The following KANSL1 variants were observed in gnomAD, a reference collection of about 807,000 sequenced individuals.
The protein encoded by KANSL1 is KAT8 regulatory NSL complex subunit 1.
In KANSL1, 22 loss-of-function variants were observed where a neutral mutation model predicts 103.6. That is an observed-to-expected ratio of 0.21 (90% CI 0.15 to 0.30). The LOEUF (loss-of-function observed/expected upper bound fraction) is 0.30, where lower values mean the gene tolerates loss of function less well. Ranked by LOEUF, KANSL1 falls within the 10% of genes least tolerant of loss-of-function variation. KANSL1 has a pLI of 1.00. For missense variants in KANSL1, 1,337 were observed against 1,399.8 expected (o/e 0.96, Z 0.72); for synonymous variants, 600 against 527.6 (o/e 1.14, Z -1.88).
At chr17:46,186,669 T>C (rs1341009512) in intron 1 of KANSL1, among the ~76,000 whole-genome samples, 2 of 152,272 alleles carry the variant, frequency 1.3e-5, no homozygotes, top group East Asian at 1.9e-4. Flanking sequence ...CAGTTCTCCA[T>C]GGTAACATAT....
intron 2 of KANSL1, among the ~76,000 whole-genome samples, chr17:46,161,422 C>T (rs1384552593): frequency 4.6e-5 from 7 of 151,434 alleles, no homozygotes; most frequent in South Asian, 2.1e-4. Context: ...GGCGACAGAG[C>T]GAGACTCTGT....
At chr17:46,064,901 C>CT (rs1429845832) in intron 6 of KANSL1, among the ~76,000 whole-genome samples, 1 of 151,568 alleles carries the variant, frequency 6.6e-6, no homozygotes, top group African/African-American at 2.4e-5. Flanking sequence ...TATTATTATA[C>CT]TTTAAGTTTT....
rs544459109 is a variant in KANSL1, at chr17:46,066,634, G to A, written c.1751C>T (p.Ser584Phe). ...CCGGGCTGCCACACAGGTGCCATCA[G>A]ATGATGAAGAGACGAGATTCAGTCG... ...KQRLNLVSSS[S>F]DGTCVAARTR... is the part of the protein sequence containing the mutation. The change falls in exon 6 of 15, where the codon TCT becomes TTT. Residue 584 changes from serine to phenylalanine, a missense_variant. Transcript: ENST00000432791. The A allele has an allele frequency of 4.8e-5, 77 of 1,614,156 alleles. 2 individuals carry two copies. In the South Asian group the frequency reaches 5.6e-4, roughly 12 times the overall value.
intron 6 of KANSL1, among the ~76,000 whole-genome samples, chr17:46,063,724 T>C (rs1018457338): frequency 6.6e-6 from 1 of 152,138 alleles, no homozygotes; most frequent in Non-Finnish European, 1.5e-5. Context: ...CAAAACTACA[T>C]TCGTTCTTAG....
chr17:46,055,224 G>A (rs1252525988), intron 6 of KANSL1, among the ~76,000 whole-genome samples: 2 of 151,834 alleles, frequency 1.3e-5, no homozygotes, highest in African/African-American at 2.4e-5. Flanking sequence ...AGCACTTTGG[G>A]AAGCCAAGGC....
At position 46,054,638 on chromosome 17, in the gene KANSL1, T is replaced by C. The variant is rs566700240; in HGVS notation, c.1849-3934A>G. Among the ~76,000 whole-genome samples, 11 of 152,274 alleles carry C rather than the reference T, an allele frequency of 7.2e-5. 1 individual carries two copies. The highest frequency in any genetic ancestry group is 3.4e-3 in the Middle Eastern group (1 of 294). On this transcript the variant is annotated intron_variant, in intron 6 of 14. Coordinates refer to ENST00000432791, the MANE Select transcript of KANSL1 (RefSeq NM_015443.4). ...GCATGGTTCCCACAAGGTCCTATAG[T>C]ATTTGTCGCCTCTATCCCCTCTCTC...
In KANSL1 at chr17:46,066,688, T is replaced by A. The variant is rs2078390025; in HGVS notation, c.1697A>T (p.Asp566Val). The A allele has an allele frequency of 1.2e-6, 2 of 1,614,072 alleles. No individual in the cohort carries two copies. Among genetic ancestry groups the A allele is most frequent in the Non-Finnish European group, 1.7e-6 (2 of 1,180,006 alleles). Residue 566 changes from aspartate to valine, a missense_variant, in exon 6 of 15, where the codon GAT (aspartate) becomes GTT (valine). Physicochemically the swap from Asp to Val is radical, Grantham distance 152. Around this residue, in one of 2 missense-constraint regions of KANSL1, gnomAD observed 780 missense variants for 923.4 expected, o/e 0.84. Transcript: ENST00000432791. The part of the protein sequence containing the change: ...LADHIPGDSS[D>V]AEEQLHKKQR... ...CTTCTTATGTAATTGTTCCTCAGCA[T>A]CAGAGCTGTCACCTGGAATGTGGTC...
intron 2 of KANSL1, among the ~76,000 whole-genome samples, chr17:46,132,278 A>C (rs1273085495): frequency 2.0e-5 from 3 of 152,220 alleles, no homozygotes; most frequent in South Asian, 2.1e-4. Context: ...CAACCCTTTA[A>C]AGGAAGATAG....
chr17:46,121,828 T>C (rs1341321011), intron 2 of KANSL1, among the ~76,000 whole-genome samples: 3 of 152,206 alleles, frequency 2.0e-5, no homozygotes, highest in African/African-American at 7.2e-5. Flanking sequence ...GAAAATATCA[T>C]AAGATGAAAA....
chr17:46,181,181 T>C (rs1211948696), intron 1 of KANSL1, among the ~76,000 whole-genome samples: 1 of 152,236 alleles, frequency 6.6e-6, no homozygotes, highest in Non-Finnish European at 1.5e-5. Context: ...CATGATGGCT[T>C]ATAAAGAATG....
chr17:46,108,730 G>C (rs928878603), intron 2 of KANSL1, among the ~76,000 whole-genome samples: 3 of 152,204 alleles, frequency 2.0e-5, no homozygotes, highest in Admixed American at 2.0e-4. Context: ...CCTTACAAAA[G>C]ATTAAAACCA....
At chr17:46,121,768 TCTC>T (rs2043290966) in intron 2 of KANSL1, among the ~76,000 whole-genome samples, 2 of 152,144 alleles carry the variant, frequency 1.3e-5, no homozygotes, top group Admixed American at 1.3e-4. Context: ...GTGTACAGAT[TCTC>T]CTCAACTTAC....
At chr17:46,218,530 C>A (rs2048410775) in intron 1 of KANSL1, among the ~76,000 whole-genome samples, 1 of 152,236 alleles carries the variant, frequency 6.6e-6, no homozygotes, top group African/African-American at 2.4e-5. Context: ...CGCCTGTAAT[C>A]CCAGCACTTT....
At chr17:46,135,798 C>A (rs12150319) in intron 2 of KANSL1, among the ~76,000 whole-genome samples, 18,034 of 143,922 alleles carry the variant, frequency 0.13, 21 homozygotes, top group Middle Eastern at 0.21. Context: ...CCCAAAAGTG[C>A]TGGATTATAG....
intron 2 of KANSL1, among the ~76,000 whole-genome samples, chr17:46,157,155 C>T (rs1410467440): frequency 6.6e-6 from 1 of 152,236 alleles, no homozygotes; most frequent in African/African-American, 2.4e-5. Flanking sequence ...GCCACAAGGA[C>T]ACTTCTGACT....
chr17:46,194,492 C>A (rs1026147053), upstream of KANSL1, among the ~76,000 whole-genome samples: 8 of 152,206 alleles, frequency 5.3e-5, no homozygotes, highest in East Asian at 1.9e-4. Context: ...AATAATGGAA[C>A]CTTTCCTAGA....
At chr17:46,089,509 C>T (rs1348350867) in intron 3 of KANSL1, among the ~76,000 whole-genome samples, 7 of 147,686 alleles carry the variant, frequency 4.7e-5, no homozygotes, top group Non-Finnish European at 8.9e-5. Flanking sequence ...CACCCGAAGA[C>T]AAATTATAAC....
intron 2 of KANSL1, among the ~76,000 whole-genome samples, chr17:46,124,277 A>G (rs1011521233): frequency 1.3e-5 from 2 of 152,232 alleles, no homozygotes; most frequent in Admixed American, 6.5e-5. Flanking sequence ...TACTCTGCCT[A>G]TGCTCTATAA....
intron 7 of KANSL1, among the ~76,000 whole-genome samples, chr17:46,049,223 T>C (rs2077621461): frequency 7.1e-6 from 1 of 141,046 alleles, no homozygotes; most frequent in Non-Finnish European, 1.5e-5. Flanking sequence ...TTATTTGTTG[T>C]CCCCACCATC....
Sources: allele counts gnomAD v4.1 joint callset (sites outside exome capture counted in the v4.1 genomes callset), GRCh38; gene constraint gnomAD v4.1.1; regional missense constraint gnomAD v4.1.1; transcripts MANE v1.5; gene names NCBI Gene and HGNC (gene_info 2026-07-23, HGNC 2026-07-21).